PREPL: variants seen among roughly 807,000 people sequenced by gnomAD.
The protein encoded by PREPL is prolyl endopeptidase-like.
Under a neutral mutation model 70.6 loss-of-function variants are expected in PREPL, and 77 were observed. That is an observed-to-expected ratio of 1.09 (90% CI 0.91 to 1.32). The LOEUF (loss-of-function observed/expected upper bound fraction) is 1.32. Among genes scored for constraint, PREPL ranks in the 40% most tolerant of loss-of-function variants. The pLI is 0.00. For synonymous variants in PREPL, 315 were observed against 264.8 expected, an observed-to-expected ratio of 1.19 and a Z score of -1.84; for missense variants, 1,002 against 778.2, an observed-to-expected ratio of 1.29 and a Z score of -3.42.
intron 1 of PREPL, among the ~76,000 whole-genome samples, chr2:44,351,514 T>TA (rs56070602): frequency 0.019 from 2,706 of 144,284 alleles, 88 homozygotes; most frequent in African/African-American, 0.062. Flanking sequence ...CTCGCCCTAT[T>TA]AAAAAAAAAA....
chr2:44,353,606 T>C (rs1199224623), intron 1 of PREPL, among the ~76,000 whole-genome samples: 1 of 150,770 alleles, frequency 6.6e-6, no homozygotes, highest in African/African-American at 2.4e-5. Context: ...AATAAATAAA[T>C]AAATAAAACT....
rs573080026 is a variant in PREPL at position 44,317,665 on chromosome 2, A to G, written c.*3691T>C. On this transcript the variant is annotated 3_prime_UTR_variant, in exon 14 of 14. Coordinates refer to ENST00000409411, the MANE Select transcript of PREPL (RefSeq NM_001171613.2). ...AGGACATAAAAATAATTTTCAAAGA[A>G]TTATTTTCAAAGAACACTAGACATA... is the stretch of plus-strand genomic sequence containing the variant. 6.6e-6 allele frequency: 1 copy of G among 152,388 alleles called. No homozygotes were observed. The highest frequency in any genetic ancestry group is 6.5e-5 in the Admixed American group (1 of 15,290). 9.4% of individuals were successfully genotyped at this position (152,388 alleles called of 1,614,324 possible). A position where few individuals can be genotyped will look rare whatever the true frequency, so the allele number is the denominator to read the frequency against.
chr2:44,357,067 A>G (rs1004383230), intron 1 of PREPL, among the ~76,000 whole-genome samples: 9 of 152,154 alleles, frequency 5.9e-5, no homozygotes, highest in African/African-American at 1.7e-4. Flanking sequence ...TGGCCTCCCA[A>G]TGTTCTGGGA....
intron 8 of PREPL, among the ~76,000 whole-genome samples, chr2:44,331,702 G>A (rs904055702): frequency 1.3e-5 from 2 of 152,090 alleles, no homozygotes; most frequent in African/African-American, 4.8e-5. Context: ...ACTGTACTCA[G>A]TATGTCCTCC....
chr2:44,361,295 C>G (rs2104299723), intron 1 of PREPL, 85 bp downstream of exon 1: 1 of 151,620 alleles, frequency 6.6e-6, no homozygotes, highest in East Asian at 1.9e-4. Flanking sequence ...AGTCAAAAAG[C>G]GAGGACCTGG....
At position 44,343,803 on chromosome 2, in the gene PREPL, A is replaced by C; in HGVS notation, c.291T>G (p.Ile97Met). The change falls in exon 4 of 14, where the codon ATT (isoleucine) becomes ATG (methionine). Residue 97 changes from isoleucine (I) to methionine (M), a missense_variant. Ile to Met is a conservative substitution (Grantham distance 10). Transcript: ENST00000409411. Reference protein sequence around the residue: ...TEDSEASTCVIIKLSDQPVME... With the variant: ...TEDSEASTCVMIKLSDQPVME... ...TTACGGGCTGATCGCTGAGCTTTATAATTACACAGGTAGATGCTTCAGAAT... is the reference window on the plus strand; with the variant it reads ...TTACGGGCTGATCGCTGAGCTTTATCATTACACAGGTAGATGCTTCAGAAT... 2 of 1,614,042 alleles carry C rather than the reference A, an allele frequency of 1.2e-6. No homozygotes were observed. The highest frequency in any genetic ancestry group is 8.5e-7 in the Non-Finnish European group (1 of 1,179,886).
chr2:44,320,720 C>A lies in PREPL; in HGVS notation c.*636G>T. On this transcript the variant is annotated 3_prime_UTR_variant, in exon 14 of 14. Transcript: ENST00000409411. ...TAATAGCTTCATGTACAGCATGCTG[C>A]TTGGTGAACAATCATTAATTCTTCG... 9.4e-7 allele frequency: 1 copy of A among 1,058,918 alleles called. No individual in the cohort carries two copies. The highest frequency in any genetic ancestry group is 1.5e-6 in the Non-Finnish European group (1 of 679,612). The allele number at this position is 1,058,918 out of a possible 1,614,324, so 65.6% of individuals were successfully genotyped here. A position where few individuals can be genotyped will look rare whatever the true frequency, so the allele number is the denominator to read the frequency against.
chr2:44,352,937 T>G (rs1676605647), intron 1 of PREPL, among the ~76,000 whole-genome samples: 2 of 152,072 alleles, frequency 1.3e-5, no homozygotes, highest in South Asian at 2.1e-4. Context: ...AACTATAGGA[T>G]CAATAAGTGT....
chr2:44,332,390 C>A, intron 8 of PREPL, 69 bp downstream of exon 8: 2 of 1,360,336 alleles, frequency 1.5e-6, no homozygotes, highest in Non-Finnish European at 2.1e-6. Context: ...ACTCCAACAA[C>A]TGCATGGCAT....
chr2:44,334,382 A>C (rs914831473), intron 7 of PREPL, among the ~76,000 whole-genome samples: 8 of 152,210 alleles, frequency 5.3e-5, no homozygotes, highest in Admixed American at 1.3e-4. Context: ...CTCTAAATAA[A>C]ACTGATGTTA....
chr2:44,351,141 GC>G (rs200691290), intron 1 of PREPL, among the ~76,000 whole-genome samples: 2,682 of 149,738 alleles, frequency 0.018, 81 homozygotes, highest in African/African-American at 0.062. Context: ...CACCATATTG[GC>G]TAGGCTGGTC....
At chr2:44,339,521 A>C (rs1447440793) in intron 5 of PREPL, among the ~76,000 whole-genome samples, 158 bp from the exon 6 acceptor site, 1 of 152,228 alleles carries the variant, frequency 6.6e-6, no homozygotes, top group Non-Finnish European at 1.5e-5. Flanking sequence ...TAACTTTAAC[A>C]ATTAGCTATT....
At position 44,326,703 on chromosome 2, in the gene PREPL, C is replaced by T. The variant is rs775539538; in HGVS notation, c.1479+9G>A. ...CATTCTATAAACAGTAGAGACAGAG[C>T]GTACTCACCTCCAAAGTCACCGCTC... On this transcript the variant is annotated intron_variant, in intron 10 of 13. Transcript: ENST00000409411. 5.6e-6 allele frequency: 9 copies of T among 1,607,768 alleles called. No individual in the cohort carries two copies. The highest frequency in any genetic ancestry group is 5.5e-5 in the South Asian group (5 of 90,920).
At chr2:44,324,714 C>T (rs1558486038) in intron 10 of PREPL, among the ~76,000 whole-genome samples, 1 of 151,938 alleles carries the variant, frequency 6.6e-6, no homozygotes, top group Non-Finnish European at 1.5e-5. Flanking sequence ...CACATCTCTA[C>T]AAAACAACAA....
chr2:44,331,625 T>C (rs929940688), intron 8 of PREPL, among the ~76,000 whole-genome samples: 2 of 152,200 alleles, frequency 1.3e-5, no homozygotes, highest in Non-Finnish European at 2.9e-5. Context: ...ACCTGAGACA[T>C]AACTTCCTTG....
chr2:44,334,651 C>T (rs1459266158), intron 7 of PREPL, among the ~76,000 whole-genome samples: 8 of 152,166 alleles, frequency 5.3e-5, no homozygotes, highest in Admixed American at 5.2e-4. Context: ...CTTCAAGTGA[C>T]TCTCCTGCCT....
In PREPL at chr2:44,328,314, G is replaced by A. The variant is rs577486716; in HGVS notation, c.1262+623C>T. Among the ~76,000 whole-genome samples, 12 of 147,234 alleles carry A rather than the reference G, an allele frequency of 8.2e-5. No individual in the cohort carries two copies. The East Asian group carries it at 2.4e-3, about 29-fold the overall frequency. On this transcript the variant is annotated intron_variant, in intron 9 of 13. Transcript: ENST00000409411. ...TCAGACAGTGTGGTGGTGTGCGCCT[G>A]TAGTCCCAGCTACTCAGGAGCCTGA...
rs1247718476 is a variant in PREPL, at chr2:44,317,737, TTA to T, written c.*3617_*3618del. On this transcript the variant is annotated 3_prime_UTR_variant, in exon 14 of 14. Transcript: ENST00000409411. ...TTCAAAGAATACTAGAAGAAAAAAA[TTA>T]TACAGTCAATCCAACAAAAAGCTTA... 6.6e-6 allele frequency: 1 copy of T among 151,762 alleles called. No homozygotes were observed. Among genetic ancestry groups the T allele is most frequent in the African/African-American group, 2.4e-5 (1 of 41,244 alleles). 9.4% of individuals were successfully genotyped at this position (151,762 alleles called of 1,614,324 possible).
At chr2:44,338,659 C>G in intron 6 of PREPL, 123 bp from the exon 7 acceptor site, 3 of 784,332 alleles carry the variant, frequency 3.8e-6, no homozygotes, top group South Asian at 3.7e-5. Context: ...GCTGAAGGAA[C>G]TAACGCTGCA....
Sources: allele counts gnomAD v4.1 joint callset (sites outside exome capture counted in the v4.1 genomes callset), GRCh38; gene constraint gnomAD v4.1.1; transcripts MANE v1.5; gene names NCBI Gene and HGNC (gene_info 2026-07-23, HGNC 2026-07-21).